Variants in KDM4C observed in about 807,000 individuals in gnomAD.
KDM4C encodes lysine demethylase 4C, also known as lysine-specific demethylase 4C.
KDM4C carries 81 observed loss-of-function variants against 129.3 expected under a neutral mutation model. The ratio of observed to expected loss-of-function variants is 0.63; its 90% confidence interval spans 0.52 to 0.75. KDM4C has a LOEUF of 0.75. Among genes scored for constraint, KDM4C ranks in the 30% least tolerant of loss-of-function variants. KDM4C has a pLI of 0.00. For synonymous variants in KDM4C, 573 were observed against 456.1 expected (o/e 1.26, Z -3.26); for missense variants, 1,457 against 1,304.0 (o/e 1.12, Z -1.81).
intron 1 of KDM4C, among the ~76,000 whole-genome samples, chr9:6,761,352 G>A (rs1337504513): frequency 6.6e-6 from 1 of 150,604 alleles, no homozygotes; most frequent in Non-Finnish European, 1.5e-5. Flanking sequence ...TTTTTTTTTG[G>A]AGACAGGGTG....
At chr9:6,929,108 T>C (rs1823179739) in intron 8 of KDM4C, among the ~76,000 whole-genome samples, 1 of 152,226 alleles carries the variant, frequency 6.6e-6, no homozygotes, top group East Asian at 1.9e-4. Context: ...TTGTGAAGAT[T>C]TATCTCCTCA....
chr9:6,960,556 G>C (rs1287537621), intron 8 of KDM4C, among the ~76,000 whole-genome samples: 1 of 152,268 alleles, frequency 6.6e-6, no homozygotes, highest in East Asian at 1.9e-4. Flanking sequence ...ACTGTGCGTG[G>C]CCTATAAAAA....
At chr9:6,949,589 G>A (rs982754657) in intron 8 of KDM4C, among the ~76,000 whole-genome samples, 4 of 152,230 alleles carry the variant, frequency 2.6e-5, no homozygotes, top group Non-Finnish European at 5.9e-5. Flanking sequence ...CTGCAATCCC[G>A]GCACCTCGGG....
At chr9:6,912,910 A>C (rs770507358) in intron 8 of KDM4C, among the ~76,000 whole-genome samples, 14 of 152,194 alleles carry the variant, frequency 9.2e-5, no homozygotes, top group Non-Finnish European at 1.8e-4. Flanking sequence ...TTGATATTTC[A>C]AGAATTGTGA....
chr9:6,986,959 T>C (rs140586468), intron 11 of KDM4C: 19 of 292,218 alleles, frequency 6.5e-5, no homozygotes, highest in Middle Eastern at 9.9e-4. Context: ...TCGTATGCAG[T>C]TGTGGGAAAT....
chr9:7,154,738 A>G (rs1163332782), intron 19 of KDM4C, among the ~76,000 whole-genome samples: 6 of 152,298 alleles, frequency 3.9e-5, no homozygotes, highest in African/African-American at 9.6e-5. Flanking sequence ...CTTCACCGTG[A>G]TTATGATTTC....
intron 5 of KDM4C, among the ~76,000 whole-genome samples, chr9:6,864,592 C>T (rs1841576431): frequency 6.6e-6 from 1 of 151,862 alleles, no homozygotes; most frequent in Non-Finnish European, 1.5e-5. Flanking sequence ...TGCCTCAGCC[C>T]TCCATAGCTG....
chr9:6,994,248 A>AAAAATACAAAAAATTAGC (rs1161893520), intron 12 of KDM4C, among the ~76,000 whole-genome samples: 1 of 152,078 alleles, frequency 6.6e-6, no homozygotes, highest in African/African-American at 2.4e-5. Context: ...CTAACAGGCC[A>AAAAATACAAAAAATTAGC]CGGACTGGTA....
At chr9:6,759,633 C>G (rs1379586229) in intron 1 of KDM4C, among the ~76,000 whole-genome samples, 1 of 152,096 alleles carries the variant, frequency 6.6e-6, no homozygotes, top group Non-Finnish European at 1.5e-5. Flanking sequence ...TTTTTATTAA[C>G]AGACTTTAGT....
intron 15 of KDM4C, among the ~76,000 whole-genome samples, chr9:7,026,281 C>T (rs915500272): frequency 1.3e-5 from 2 of 151,528 alleles, no homozygotes; most frequent in Non-Finnish European, 2.9e-5. Context: ...TATGAAATCC[C>T]TCAGGTTTTG....
At chr9:6,800,383 C>CA (rs1263919836) in intron 2 of KDM4C, among the ~76,000 whole-genome samples, 1 of 151,338 alleles carries the variant, frequency 6.6e-6, no homozygotes, top group Admixed American at 6.6e-5. Flanking sequence ...AACAAACAAA[C>CA]AAAAAATTAA....
At chr9:6,751,616 T>C (rs1293965278) in intron 1 of KDM4C, among the ~76,000 whole-genome samples, 1 of 152,172 alleles carries the variant, frequency 6.6e-6, no homozygotes, top group Non-Finnish European at 1.5e-5. Context: ...ACCCAAACTA[T>C]ATTAACATTA....
chr9:6,930,887 A>G (rs1001844043), intron 8 of KDM4C, among the ~76,000 whole-genome samples: 1 of 152,138 alleles, frequency 6.6e-6, no homozygotes, highest in African/African-American at 2.4e-5. Flanking sequence ...GGAATTTGCA[A>G]AAATGCAGGG....
chr9:7,107,377 C>T (rs1299744880), intron 18 of KDM4C, among the ~76,000 whole-genome samples: 1 of 152,230 alleles, frequency 6.6e-6, no homozygotes, highest in Non-Finnish European at 1.5e-5. Context: ...CTATATACTT[C>T]TGCAAAATAT....
intron 21 of KDM4C, 39 bp downstream of exon 21, chr9:7,169,929 G>A: frequency 6.2e-7 from 1 of 1,612,606 alleles, no homozygotes; most frequent in Non-Finnish European, 8.5e-7. Context: ...CCTGCCAAGT[G>A]AATTCCTTGT....
rs148920032 is a variant in KDM4C at position 6,740,858 on chromosome 9, C to T, written c.49+19861C>T. On this transcript the variant is annotated intron_variant, in intron 1 of 17. Coordinates refer to the KDM4C transcript ENST00000536108. ...TTTCTTTTTTTTTGAGACGGAGTCT[C>T]ACTCTGTTGTCCAAGTTGGATTGCA... Among the ~76,000 whole-genome samples, 271 of 151,716 alleles carry T rather than the reference C, an allele frequency of 1.8e-3. 1 individual carries two copies. Among genetic ancestry groups the T allele is most frequent in the African/African-American group, 6.2e-3 (258 of 41,416 alleles).
At chr9:6,899,542 G>GGGGT (rs1554633822) in intron 8 of KDM4C, among the ~76,000 whole-genome samples, 26,656 of 150,134 alleles carry the variant, frequency 0.18, 3,108 homozygotes, top group Middle Eastern at 0.32. Context: ...TTTCCATGGG[G>GGGGT]GTGTGTGTGT....
Position 7,167,991 on chromosome 9 carries a change from C to T in KDM4C, c.2902-1807C>T, listed in dbSNP as rs112132349. Among the ~76,000 whole-genome samples the T allele has an allele frequency of 8.5e-5, 13 of 152,186 alleles. 1 individual carries two copies. Among genetic ancestry groups the T allele is most frequent in the African/African-American group, 2.9e-4 (12 of 41,544 alleles). On this transcript the variant is annotated intron_variant, in intron 20 of 21. Transcript: ENST00000381309. ...GAGGTCAGGAGTTCGAGACCAGCCT[C>T]GCCAACGTGGTGCAACCCCGTCTCT...
chr9:7,041,950 A>G (rs368156311), intron 15 of KDM4C, among the ~76,000 whole-genome samples: 27 of 152,010 alleles, frequency 1.8e-4, no homozygotes, highest in African/African-American at 6.0e-4. Context: ...CTCCACTTCT[A>G]TTTCTTGCTT....
Sources: gnomAD v4.1 joint callset for allele counts (sites outside exome capture counted in the v4.1 genomes callset) on GRCh38, gnomAD v4.1.1 for gene constraint, MANE v1.5 for transcripts, NCBI Gene and HGNC (gene_info 2026-07-23, HGNC 2026-07-21) for gene names.